The following ACTR3C variants were observed in gnomAD, a reference collection of about 807,000 sequenced individuals.
ACTR3C encodes the protein actin-related protein 3C.
In ACTR3C, 18 loss-of-function variants were observed where a neutral mutation model predicts 26.3. That is an observed-to-expected ratio of 0.68 (90% confidence interval 0.47 to 1.01). ACTR3C has a LOEUF of 1.01. Among genes scored for constraint, ACTR3C ranks in the 50% least tolerant of loss-of-function variants. ACTR3C has a pLI of 0.00. For synonymous variants in ACTR3C, 55 were observed against 94.5 expected, an observed-to-expected ratio of 0.58 and a Z score of 2.42; for missense variants, 184 against 250.7, an observed-to-expected ratio of 0.73 and a Z score of 1.80.
intron 6 of ACTR3C, among the ~76,000 whole-genome samples, chr7:150,276,987 C>T (rs1159905071): frequency 6.6e-6 from 1 of 152,200 alleles, no homozygotes; most frequent in Non-Finnish European, 1.5e-5. Context: ...ATGTGGTCAA[C>T]ATTAAGGAAA....
chr7:150,092,756 G>T, the ACTR3C span, among the ~76,000 whole-genome samples: 1 of 150,594 alleles, frequency 6.6e-6, no homozygotes, highest in Non-Finnish European at 1.5e-5. Context: ...ACGGAATATG[G>T]GCTAAAGTGA....
the ACTR3C span, among the ~76,000 whole-genome samples, chr7:150,050,960 C>A: frequency 6.7e-6 from 1 of 150,146 alleles, no homozygotes; most frequent in East Asian, 2.0e-4. Context: ...CAAAAATTAG[C>A]CAGGTGTGAT....
At chr7:149,891,546 C>T in the ACTR3C span, 18 of 227,452 alleles carry the variant, frequency 7.9e-5, no homozygotes, top group Non-Finnish European at 1.1e-4. Context: ...CGGAGGCAGG[C>T]CAGGCACAGT....
chr7:150,274,391 G>GTGCTATATATATATAT lies in ACTR3C; in HGVS notation c.564+10361_564+10362insATATATATATATAGCA. 6.6e-6 allele frequency among the ~76,000 whole-genome samples: 1 copy of GTGCTATATATATATAT among 152,256 alleles called. No individual in the cohort carries two copies. Among genetic ancestry groups the GTGCTATATATATATAT allele is most frequent in the Middle Eastern group, 3.4e-3 (1 of 294 alleles). The stretch of plus-strand genomic sequence containing the variant: ...TGAAGGTATGTACACTGGTTTTTTA[G>GTGCTATATATATATAT]ACATAATGCTATTATACACTTAAAC... On this transcript the variant is annotated intron_variant, in intron 6 of 7. Coordinates refer to ENST00000683684, the MANE Select transcript of ACTR3C (RefSeq NM_001164458.2). This position sits in a 1 kb window ranked among gnomAD's most constrained non-coding sequence, Gnocchi z 4.1.
chr7:149,892,483 C>A, the ACTR3C span: 25 of 1,306,074 alleles, frequency 1.9e-5, no homozygotes, highest in Non-Finnish European at 2.4e-5. Flanking sequence ...CTAATATACA[C>A]ACAAGTAAAT....
chr7:149,982,587 AG>A, the ACTR3C span, among the ~76,000 whole-genome samples: 3 of 152,146 alleles, frequency 2.0e-5, no homozygotes, highest in African/African-American at 7.2e-5. Context: ...AGTGCATGAC[AG>A]GGCCATGATT....
rs35970305 is a variant in ACTR3C, at chr7:150,297,851, CAAAAAAAAAAA to C, written c.-51-2515_-51-2505del. 6.1e-4 allele frequency among the ~76,000 whole-genome samples: 53 copies of C among 87,164 alleles called. 1 individual carries two copies. Among genetic ancestry groups the C allele is most frequent in the Admixed American group, 1.7e-3 (15 of 9,062 alleles). The allele number at this position is 87,164 out of a possible 152,430, so 57.2% of individuals were successfully genotyped here. A position where few individuals can be genotyped will look rare whatever the true frequency, so the allele number is the denominator to read the frequency against. On this transcript the variant is annotated intron_variant, in intron 1 of 7. Transcript: ENST00000683684. ...TGGGCGATGGAGTGAGACTCCGTCTCAAAAAAAAAAAAAAAAAAAAAGACTTTTATTTTCTG... is the reference window on the plus strand; with the variant it reads ...TGGGCGATGGAGTGAGACTCCGTCTCAAAAAAAAAAGACTTTTATTTTCTG...
At chr7:150,218,452 A>G in the ACTR3C span, among the ~76,000 whole-genome samples, 3 of 152,256 alleles carry the variant, frequency 2.0e-5, no homozygotes, top group African/African-American at 7.2e-5. Context: ...AACGAAGGAT[A>G]GGGTATGACT....
At chr7:150,019,484 C>T in the ACTR3C span, among the ~76,000 whole-genome samples, 7 of 141,392 alleles carry the variant, frequency 5.0e-5, no homozygotes, top group Non-Finnish European at 7.6e-5. Flanking sequence ...CTCAGCTACT[C>T]GAGAGGCTGA....
chr7:149,974,058 C>T, the ACTR3C span, among the ~76,000 whole-genome samples: 1 of 85,172 alleles, frequency 1.2e-5, no homozygotes, highest in Non-Finnish European at 2.3e-5. Flanking sequence ...GGTCTCGAGG[C>T]TCCATGTGAA....
intron 1 of ACTR3C, among the ~76,000 whole-genome samples, chr7:150,316,044 G>A (rs539916197): frequency 2.0e-5 from 3 of 152,172 alleles, no homozygotes; most frequent in East Asian, 1.9e-4. Flanking sequence ...CTAAAAATAC[G>A]AAATTAGCTG....
chr7:150,205,064 C>T, the ACTR3C span, among the ~76,000 whole-genome samples: 5 of 152,142 alleles, frequency 3.3e-5, no homozygotes, highest in African/African-American at 1.2e-4. Context: ...CTAGGCCGGG[C>T]ATTTTAATTT....
At chr7:150,221,998 CAAAA>C in the ACTR3C span, among the ~76,000 whole-genome samples, 17 of 79,798 alleles carry the variant, frequency 2.1e-4, 1 homozygote, top group African/African-American at 8.9e-4. Flanking sequence ...ACTCCGTCTC[CAAAA>C]AAAAAAAAAA....
chr7:150,259,775 T>C (rs1447687399), intron 6 of ACTR3C, among the ~76,000 whole-genome samples: 2 of 152,198 alleles, frequency 1.3e-5, no homozygotes, highest in Non-Finnish European at 2.9e-5. Context: ...CCAAAAATTG[T>C]ATAAAATATT....
At chr7:150,048,012 C>T in the ACTR3C span, among the ~76,000 whole-genome samples, 201 of 152,280 alleles carry the variant, frequency 1.3e-3, 4 homozygotes, top group East Asian at 0.036. Context: ...TCCTCCCGCG[C>T]GCCACTCGCG....
At chr7:149,970,403 A>G in the ACTR3C span, among the ~76,000 whole-genome samples, 1 of 152,006 alleles carries the variant, frequency 6.6e-6, no homozygotes, top group African/African-American at 2.4e-5. Flanking sequence ...ATCTACCAAG[A>G]GGGCAGGCTC....
the ACTR3C span, among the ~76,000 whole-genome samples, chr7:150,118,444 G>A: frequency 6.6e-6 from 1 of 150,816 alleles, no homozygotes; most frequent in Non-Finnish European, 1.5e-5. Context: ...GCATATACAA[G>A]TATCAATAGC....
At chr7:150,136,625 G>A in the ACTR3C span, among the ~76,000 whole-genome samples, 7 of 152,118 alleles carry the variant, frequency 4.6e-5, no homozygotes, top group African/African-American at 1.4e-4. Flanking sequence ...AGCTGAGATC[G>A]CACCACTGCA....
chr7:150,003,731 G>GTGTGT, the ACTR3C span, among the ~76,000 whole-genome samples: 2 of 152,232 alleles, frequency 1.3e-5, no homozygotes, highest in African/African-American at 4.8e-5. Flanking sequence ...GTGTGGTGTG[G>GTGTGT]TGTGTGGTGT....
Sources: gnomAD v4.1 joint callset for allele counts (sites outside exome capture counted in the v4.1 genomes callset) on GRCh38, gnomAD v4.1.1 for gene constraint, Gnocchi (gnomAD v3.1) non-coding constraint, MANE v1.5 for transcripts, NCBI Gene and HGNC (gene_info 2026-07-23, HGNC 2026-07-21) for gene names.